The following ANKH variants were observed in gnomAD, a reference collection of about 807,000 sequenced individuals.
ANKH encodes ANKH inorganic pyrophosphate transport regulator, also known as mineralization regulator ANKH.
ANKH carries 15 observed loss-of-function variants against 49.0 expected under a neutral mutation model. The ratio of observed to expected loss-of-function variants is 0.31; its 90% CI spans 0.20 to 0.47. The LOEUF is 0.47. ANKH is among the 20% of genes least tolerant of loss of function. The pLI is 1.00. For synonymous variants in ANKH, 273 were observed against 260.0 expected, an observed-to-expected ratio of 1.05 and a Z score of -0.48; for missense variants, 429 against 652.0, an observed-to-expected ratio of 0.66 and a Z score of 3.72.
intron 1 of ANKH, among the ~76,000 whole-genome samples, chr5:14,848,766 T>C (rs747093358): frequency 4.6e-5 from 7 of 152,224 alleles, no homozygotes; most frequent in Non-Finnish European, 1.0e-4. Flanking sequence ...AACAGAGCTA[T>C]AACACTCACC....
At chr5:14,805,401 TGTG>T (rs1486988635) in intron 1 of ANKH, among the ~76,000 whole-genome samples, 2 of 26,686 alleles carry the variant, frequency 7.5e-5, no homozygotes, top group African/African-American at 2.4e-4. Context: ...TATATACGTG[TGTG>T]TGTGTGTGTG....
Position 14,711,208 on chromosome 5 carries a change from CCT to C in ANKH, c.1466_1467del (p.Glu489GlyfsTer3), listed in dbSNP as rs1475538536. The C allele has an allele frequency of 5.6e-6, 9 of 1,613,900 alleles. No homozygotes were observed. The highest frequency in any genetic ancestry group is 4.0e-5 in the African/African-American group (3 of 74,926). ...EEVTDIVEMR[E>X]ENE ...TGGCGTCCCGTGCCTTATTCATTCT[CCT>C]CTCTCATTTCCACGATGTCTGTCAC... On this transcript the variant is annotated frameshift_variant, in exon 12 of 12. Coordinates refer to ENST00000284268, the MANE Select transcript of ANKH (RefSeq NM_054027.6). LOFTEE classifies it high-confidence loss of function.
At chr5:14,861,587 T>A (rs547425743) in intron 1 of ANKH, among the ~76,000 whole-genome samples, 47 of 152,152 alleles carry the variant, frequency 3.1e-4, no homozygotes, top group Non-Finnish European at 5.0e-4. Context: ...TGTCACCTCC[T>A]CATGCTCCAG....
At chr5:14,830,535 GTGTC>G (rs1249260591) in intron 1 of ANKH, among the ~76,000 whole-genome samples, 3 of 151,528 alleles carry the variant, frequency 2.0e-5, no homozygotes, top group East Asian at 3.9e-4. Context: ...GTGTGTGTGT[GTGTC>G]TGTGTGTGTG....
At chr5:14,787,289 G>C (rs1269359650) in intron 1 of ANKH, among the ~76,000 whole-genome samples, 1 of 151,464 alleles carries the variant, frequency 6.6e-6, no homozygotes, top group Admixed American at 6.6e-5. Flanking sequence ...ACTCCAGCCT[G>C]GGCAACAGAG....
intron 9 of ANKH, among the ~76,000 whole-genome samples, chr5:14,714,630 C>T (rs115126263): frequency 6.6e-6 from 1 of 152,190 alleles, no homozygotes; most frequent in East Asian, 1.9e-4. Context: ...TATATTAATA[C>T]TAACGAGGCT....
chr5:14,864,986 C>T (rs932520938), intron 1 of ANKH, among the ~76,000 whole-genome samples: 3 of 152,120 alleles, frequency 2.0e-5, no homozygotes, highest in Non-Finnish European at 4.4e-5. Context: ...GGCGGCCAGG[C>T]GTGGTGGCTC....
intron 8 of ANKH, among the ~76,000 whole-genome samples, chr5:14,738,627 A>G (rs908628225): frequency 1.3e-5 from 2 of 152,154 alleles, no homozygotes; most frequent in African/African-American, 4.8e-5. Context: ...GAAGTTTCAA[A>G]ATTCAAAAAA....
intron 1 of ANKH, among the ~76,000 whole-genome samples, chr5:14,805,213 A>G (rs2126565307): frequency 6.6e-6 from 1 of 151,948 alleles, no homozygotes; most frequent in African/African-American, 2.4e-5. Context: ...CTCCCAGCCT[A>G]CATCTTTCTC....
intron 1 of ANKH, among the ~76,000 whole-genome samples, chr5:14,771,864 A>C (rs781520015): frequency 2.7e-5 from 4 of 146,106 alleles, no homozygotes; most frequent in African/African-American, 5.0e-5. Flanking sequence ...CGATGAGCTG[A>C]GATCATGTCA....
chr5:14,844,664 C>G (rs116370288), intron 1 of ANKH, among the ~76,000 whole-genome samples: 1 of 152,198 alleles, frequency 6.6e-6, no homozygotes, highest in African/African-American at 2.4e-5. Context: ...TATTTAAAGA[C>G]GAGCCCCTTT....
chr5:14,810,062 T>G (rs1479966351), intron 1 of ANKH, among the ~76,000 whole-genome samples: 7 of 152,076 alleles, frequency 4.6e-5, no homozygotes, highest in African/African-American at 1.7e-4. Context: ...GCACCACAGA[T>G]AGCTTCTGCG....
At chr5:14,868,596 G>C (rs1051059809) in intron 1 of ANKH, 5 of 151,578 alleles carry the variant, frequency 3.3e-5, no homozygotes, top group African/African-American at 9.7e-5. Flanking sequence ...TTTTAGTAGA[G>C]ATAGAATTTC....
At chr5:14,814,374 G>C (rs1336325701) in intron 1 of ANKH, among the ~76,000 whole-genome samples, 1 of 152,204 alleles carries the variant, frequency 6.6e-6, no homozygotes, top group Non-Finnish European at 1.5e-5. Context: ...GCTGAGGCAG[G>C]AGGACTGTTT....
At chr5:14,776,756 A>G (rs2126523437) in intron 1 of ANKH, among the ~76,000 whole-genome samples, 1 of 152,376 alleles carries the variant, frequency 6.6e-6, no homozygotes, top group East Asian at 1.9e-4. Flanking sequence ...CGGCCAAGAC[A>G]TTCACCAGGG....
At chr5:14,836,984 T>A (rs1481417079) in intron 1 of ANKH, among the ~76,000 whole-genome samples, 1 of 152,202 alleles carries the variant, frequency 6.6e-6, no homozygotes, top group African/African-American at 2.4e-5. Flanking sequence ...AACCATCTGA[T>A]CTTTGACAAA....
intron 8 of ANKH, among the ~76,000 whole-genome samples, chr5:14,736,927 CT>C (rs1738205553): frequency 6.6e-6 from 1 of 152,222 alleles, no homozygotes; most frequent in Admixed American, 6.5e-5. Flanking sequence ...GAGGGTCCCC[CT>C]CTCTTGGCAC....
At chr5:14,793,004 ATAAATATATATATATAAATAT>A (rs1740224453) in intron 1 of ANKH, among the ~76,000 whole-genome samples, 5 of 61,552 alleles carry the variant, frequency 8.1e-5, no homozygotes, top group Admixed American at 5.8e-4. Flanking sequence ...ATATATATAT[ATAAATATATATATATAAATAT>A]ATATATATAA....
chr5:14,856,026 T>C (rs1312735765), intron 1 of ANKH, among the ~76,000 whole-genome samples: 1 of 151,532 alleles, frequency 6.6e-6, no homozygotes, highest in Non-Finnish European at 1.5e-5. Context: ...CAAGAAAGCA[T>C]AAAAACAGGC....
Sources: allele counts gnomAD v4.1 joint callset (sites outside exome capture counted in the v4.1 genomes callset), GRCh38; gene constraint gnomAD v4.1.1; transcripts MANE v1.5; gene names NCBI Gene and HGNC (gene_info 2026-07-23, HGNC 2026-07-21).